LRP2: variants seen among roughly 807,000 people sequenced by gnomAD.
LRP2 encodes the protein LDL receptor related protein 2.
LRP2 carries 172 observed loss-of-function variants against 531.0 expected under a neutral mutation model. The ratio of observed to expected loss-of-function variants is 0.32; its 90% CI spans 0.29 to 0.37. The LOEUF (loss-of-function observed/expected upper bound fraction) is 0.37, where lower values mean the gene tolerates loss of function less well. LRP2 is among the 10% of genes least tolerant of loss of function. The probability of loss-of-function intolerance (pLI) is 1.00; values close to 1 mark genes in which losing one functional copy is unlikely to be tolerated. For synonymous variants in LRP2, 1,992 were observed against 2,027.6 expected (o/e 0.98, Z 0.47); for missense variants, 5,167 against 5,868.3 (o/e 0.88, Z 3.90).
chr2:169,154,102 G>T (rs889712401), intron 66 of LRP2, among the ~76,000 whole-genome samples: 8 of 152,192 alleles, frequency 5.3e-5, no homozygotes, highest in Non-Finnish European at 1.2e-4. Flanking sequence ...TGTCACAGAG[G>T]TGGTGACATT....
At chr2:169,256,871 T>C (rs1212130252) in intron 18 of LRP2, among the ~76,000 whole-genome samples, 3 of 152,140 alleles carry the variant, frequency 2.0e-5, no homozygotes, top group African/African-American at 4.8e-5. Flanking sequence ...AATCTTGTCA[T>C]TCAGCTTTCT....
chr2:169,235,270 C>T (rs1276142019), intron 29 of LRP2, among the ~76,000 whole-genome samples: 2 of 148,908 alleles, frequency 1.3e-5, no homozygotes. Flanking sequence ...GATGGAGTCT[C>T]ACTCTGTCAC....
At chr2:169,194,374 T>C (rs1192284876) in intron 46 of LRP2, among the ~76,000 whole-genome samples, 2 of 152,180 alleles carry the variant, frequency 1.3e-5, no homozygotes, top group Non-Finnish European at 2.9e-5. Context: ...CTGTCTCCCC[T>C]CTTTAGAATA....
chr2:169,262,106 G>A (rs1005092447), intron 16 of LRP2, among the ~76,000 whole-genome samples: 56 of 151,554 alleles, frequency 3.7e-4, no homozygotes, highest in South Asian at 2.1e-3. Context: ...AAAATAATAA[G>A]AGCTATCTAT....
At chr2:169,278,561 A>T (rs933165560) in intron 12 of LRP2, among the ~76,000 whole-genome samples, 1 of 152,042 alleles carries the variant, frequency 6.6e-6, no homozygotes, top group South Asian at 2.1e-4. Context: ...TCTTTTTTAC[A>T]CCCAGGAAAA....
In LRP2 at chr2:169,314,149, A is replaced by T. The variant is rs561442409; in HGVS notation, c.310+4613T>A. Among the ~76,000 whole-genome samples, 11 of 152,226 alleles carry T rather than the reference A, an allele frequency of 7.2e-5. 2 individuals are homozygous for T. The highest frequency in any genetic ancestry group is 2.6e-4 in the African/African-American group (11 of 41,558). On this transcript the variant is annotated intron_variant, in intron 3 of 78. Coordinates refer to ENST00000649046, the MANE Select transcript of LRP2 (RefSeq NM_004525.3). ...CACAGTGGCTCGTGCCTTTAATCCC[A>T]GCTATGGGAGATTGAGGCAAGAAGA...
chr2:169,206,687 GGTT>G lies in LRP2; in HGVS notation c.7030_7032del (p.Asn2344del), dbSNP rs771602961. On this transcript the variant is annotated inframe_deletion, in exon 39 of 79. Transcript: ENST00000649046. Reference sequence around the variant, plus strand: ...CACCCACCATTGTTTTCCAAGCAAGGGTTGTTGTTGACCTCTGCTGGTGACCGG... The same window carrying G: ...CACCCACCATTGTTTTCCAAGCAAGGGTTGTTGACCTCTGCTGGTGACCGG... The G allele has an allele frequency of 2.4e-5, 38 of 1,614,144 alleles. No individual in the cohort carries two copies. In the East Asian group the frequency reaches 8.2e-4, roughly 35 times the overall value.
chr2:169,270,046 T>C (rs369990530), intron 16 of LRP2, among the ~76,000 whole-genome samples: 10 of 151,888 alleles, frequency 6.6e-5, no homozygotes, highest in African/African-American at 1.5e-4. Context: ...CAAATCAAAA[T>C]CACAATGAGA....
At chr2:169,212,292 T>G in intron 36 of LRP2, 85 bp from the exon 37 acceptor site, 2 of 1,547,664 alleles carry the variant, frequency 1.3e-6, no homozygotes, top group South Asian at 2.2e-5. Context: ...GGTCACCAAA[T>G]AATTTATTCT....
chr2:169,307,898 A>T (rs1684469402), intron 3 of LRP2, among the ~76,000 whole-genome samples: 1 of 152,198 alleles, frequency 6.6e-6, no homozygotes, highest in African/African-American at 2.4e-5. Flanking sequence ...AAAGAGAAAA[A>T]AATTTAAGCT....
At chr2:169,293,314 G>A (rs1684048199) in intron 6 of LRP2, among the ~76,000 whole-genome samples, 2 of 152,174 alleles carry the variant, frequency 1.3e-5, no homozygotes, top group South Asian at 4.1e-4. Flanking sequence ...TGCATTGCAG[G>A]CAACAGCATG....
intron 31 of LRP2, among the ~76,000 whole-genome samples, chr2:169,231,186 C>T (rs1437674146): frequency 6.6e-6 from 1 of 151,664 alleles, no homozygotes; most frequent in Non-Finnish European, 1.5e-5. Flanking sequence ...CTCATCTACT[C>T]AGGAGGCTGA....
intron 1 of LRP2, among the ~76,000 whole-genome samples, chr2:169,327,910 GCCGCCCCGTCC>G (rs1685145279): frequency 1.1e-5 from 1 of 90,368 alleles, no homozygotes; most frequent in African/African-American, 4.7e-5. Flanking sequence ...CGCCCGGCCA[GCCGCCCCGTCC>G]AGGAGGGAGG....
At chr2:169,203,959 A>G in intron 42 of LRP2, 23 bp downstream of exon 42, 1 of 1,612,890 alleles carries the variant, frequency 6.2e-7, no homozygotes, top group African/African-American at 1.3e-5. Context: ...TCCATGTTCT[A>G]ATTTTCATGG....
At chr2:169,262,783 G>A (rs1036543805) in intron 16 of LRP2, among the ~76,000 whole-genome samples, 3 of 151,462 alleles carry the variant, frequency 2.0e-5, no homozygotes, top group Admixed American at 6.6e-5. Context: ...AGCCCGCATC[G>A]CCAAGTCAAT....
intron 48 of LRP2, among the ~76,000 whole-genome samples, chr2:169,190,126 T>A (rs866123726): frequency 1.6e-4 from 25 of 152,310 alleles, no homozygotes; most frequent in Middle Eastern, 3.4e-3. Flanking sequence ...TTTACCAAAT[T>A]CAGAAAAACT....
intron 13 of LRP2, among the ~76,000 whole-genome samples, chr2:169,277,048 G>T (rs1683574613): frequency 6.6e-6 from 1 of 151,886 alleles, no homozygotes; most frequent in Non-Finnish European, 1.5e-5. Flanking sequence ...TACAAAAATT[G>T]CCAGGCATGG....
chr2:169,141,001 T>C (rs1474688463), intron 71 of LRP2, among the ~76,000 whole-genome samples: 3 of 152,252 alleles, frequency 2.0e-5, no homozygotes, highest in South Asian at 2.1e-4. Context: ...GCTACAGATA[T>C]AGAGATATTT....
intron 16 of LRP2, among the ~76,000 whole-genome samples, chr2:169,263,077 C>T (rs1316858565): frequency 1.3e-5 from 2 of 152,120 alleles, no homozygotes; most frequent in African/African-American, 4.8e-5. Context: ...TTCCTTACAC[C>T]TTATACAAAT....
Sources: gnomAD v4.1 joint callset for allele counts (sites outside exome capture counted in the v4.1 genomes callset) on GRCh38, gnomAD v4.1.1 for gene constraint, MANE v1.5 for transcripts, NCBI Gene and HGNC (gene_info 2026-07-23, HGNC 2026-07-21) for gene names.